The following FUT8 variants were observed in gnomAD, a reference collection of about 807,000 sequenced individuals.
FUT8 encodes the protein fucosyltransferase 8.
FUT8 carries 29 observed loss-of-function variants against 71.3 expected under a neutral mutation model. That is an observed-to-expected ratio of 0.41 (90% CI 0.30 to 0.55). The LOEUF is 0.55. Among genes scored for constraint, FUT8 ranks in the 20% least tolerant of loss-of-function variants. FUT8 has a pLI of 0.34. For missense variants in FUT8, 544 were observed against 702.1 expected, an observed-to-expected ratio of 0.77 and a Z score of 2.55; for synonymous variants, 254 against 239.3, an observed-to-expected ratio of 1.06 and a Z score of -0.57.
chr14:65,591,966 T>G (rs1887713911), intron 3 of FUT8, among the ~76,000 whole-genome samples: 1 of 151,816 alleles, frequency 6.6e-6, no homozygotes, highest in African/African-American at 2.4e-5. Flanking sequence ...CTAAAAAACA[T>G]GTAAACTCTA....
chr14:65,522,590 T>C (rs1163625431), intron 2 of FUT8, among the ~76,000 whole-genome samples: 1 of 152,192 alleles, frequency 6.6e-6, no homozygotes, highest in African/African-American at 2.4e-5. Flanking sequence ...TTAAAAATTA[T>C]ACTTTAAGTT....
At chr14:65,475,140 C>G (rs368198860) in intron 2 of FUT8, among the ~76,000 whole-genome samples, 1 of 152,056 alleles carries the variant, frequency 6.6e-6, no homozygotes, top group East Asian at 1.9e-4. Context: ...CCTCAACAAG[C>G]GTAGTTAACA....
chr14:65,606,075 T>G (rs1314600280), intron 3 of FUT8, among the ~76,000 whole-genome samples: 1 of 22,882 alleles, frequency 4.4e-5, no homozygotes, highest in East Asian at 7.9e-3. Context: ...AATTGTTAGT[T>G]TTTTTTTTTT....
At chr14:65,665,921 G>C (rs1031401278) in intron 6 of FUT8, among the ~76,000 whole-genome samples, 4 of 152,026 alleles carry the variant, frequency 2.6e-5, no homozygotes, top group Non-Finnish European at 5.9e-5. Flanking sequence ...CAGACACTGG[G>C]GCCTATCGGA....
chr14:65,655,640 T>G (rs1043896453), intron 6 of FUT8, among the ~76,000 whole-genome samples: 1 of 152,124 alleles, frequency 6.6e-6, no homozygotes, highest in Non-Finnish European at 1.5e-5. Context: ...GTTTTCAAAA[T>G]ATATGAAGCA....
intron 6 of FUT8, among the ~76,000 whole-genome samples, chr14:65,634,940 A>G (rs1890463163): frequency 6.6e-6 from 1 of 152,162 alleles, no homozygotes; most frequent in African/African-American, 2.4e-5. Context: ...CATTTTCACA[A>G]TGTTGATTCT....
chr14:65,720,593 A>C (rs1345455905), intron 7 of FUT8, among the ~76,000 whole-genome samples: 1 of 152,178 alleles, frequency 6.6e-6, no homozygotes, highest in Non-Finnish European at 1.5e-5. Flanking sequence ...AGGGTGGCAT[A>C]AGCACTGCCT....
At chr14:65,612,401 C>A (rs1372767354) in intron 3 of FUT8, among the ~76,000 whole-genome samples, 1 of 152,188 alleles carries the variant, frequency 6.6e-6, no homozygotes, top group Non-Finnish European at 1.5e-5. Flanking sequence ...TCTAGTCTGG[C>A]TGATAGGATC....
intron 3 of FUT8, among the ~76,000 whole-genome samples, chr14:65,580,070 T>TTATA (rs59069113): frequency 0.55 from 78,499 of 142,576 alleles, 24,350 homozygotes; most frequent in Non-Finnish European, 0.69. Flanking sequence ...GTGCTATATT[T>TTATA]TATATATATA....
intron 2 of FUT8, among the ~76,000 whole-genome samples, chr14:65,477,829 T>C (rs1054548954): frequency 2.6e-5 from 4 of 151,876 alleles, no homozygotes; most frequent in African/African-American, 4.8e-5. Context: ...AACCAAATTG[T>C]AGGGAAAGAT....
At chr14:65,450,228 A>G (rs2065801590) in intron 1 of FUT8, among the ~76,000 whole-genome samples, 2 of 152,180 alleles carry the variant, frequency 1.3e-5, no homozygotes, top group South Asian at 4.1e-4. Flanking sequence ...GTGGGTAAAA[A>G]TGACTGACTC....
intron 2 of FUT8, among the ~76,000 whole-genome samples, chr14:65,546,029 T>A (rs1435250153): frequency 6.6e-6 from 1 of 151,888 alleles, no homozygotes; most frequent in Non-Finnish European, 1.5e-5. Context: ...AACTTTCAAT[T>A]ATTGACATTT....
intron 3 of FUT8, among the ~76,000 whole-genome samples, chr14:65,590,837 C>T (rs925738454): frequency 6.6e-6 from 1 of 152,136 alleles, no homozygotes; most frequent in African/African-American, 2.4e-5. Context: ...CCTTCTGGCA[C>T]TCCATCTCCC....
chr14:65,541,841 G>A (rs1457201549), intron 2 of FUT8, among the ~76,000 whole-genome samples: 3 of 152,082 alleles, frequency 2.0e-5, no homozygotes, highest in Non-Finnish European at 4.4e-5. Context: ...TTTCACTCAC[G>A]AATATAAAAA....
chr14:65,552,276 A>G (rs1885333173), intron 2 of FUT8, among the ~76,000 whole-genome samples: 1 of 152,104 alleles, frequency 6.6e-6, no homozygotes, highest in African/African-American at 2.4e-5. Flanking sequence ...TCACTTTGCA[A>G]TTAGAACCCA....
chr14:65,618,614 T>A (rs566725268), intron 5 of FUT8, among the ~76,000 whole-genome samples: 15 of 152,210 alleles, frequency 9.9e-5, no homozygotes. Flanking sequence ...CTGACGGACG[T>A]ACAAATAGAA....
At chr14:65,588,032 C>T (rs191070934) in intron 3 of FUT8, among the ~76,000 whole-genome samples, 1 of 152,314 alleles carries the variant, frequency 6.6e-6, no homozygotes, top group Admixed American at 6.5e-5. Context: ...TTTTAAAACA[C>T]TGCCACCAAC....
chr14:65,717,081 G>C (rs545692590), intron 7 of FUT8, among the ~76,000 whole-genome samples: 36 of 141,162 alleles, frequency 2.6e-4, no homozygotes, highest in South Asian at 7.0e-4. Flanking sequence ...GGGGCGGCCG[G>C]GCAGAGGCGT....
At chr14:65,462,869 A>T (rs1213606939) in intron 2 of FUT8, among the ~76,000 whole-genome samples, 7 of 152,208 alleles carry the variant, frequency 4.6e-5, no homozygotes, top group African/African-American at 1.7e-4. Flanking sequence ...AAGTAGGAGA[A>T]AGGACGGATT....
Sources: gnomAD v4.1 joint callset for allele counts (sites outside exome capture counted in the v4.1 genomes callset) on GRCh38, gnomAD v4.1.1 for gene constraint, MANE v1.5 for transcripts, NCBI Gene and HGNC (gene_info 2026-07-23, HGNC 2026-07-21) for gene names.